XKR6: variants seen among roughly 807,000 people sequenced by gnomAD.
The protein encoded by XKR6 is XK related 6, also known as XK-related protein 6.
XKR6 carries 22 observed loss-of-function variants against 56.7 expected under a neutral mutation model. The observed-to-expected ratio is 0.39, with a 90% CI of 0.28 to 0.55. XKR6 has a LOEUF of 0.55. Among genes scored for constraint, XKR6 ranks in the 20% least tolerant of loss-of-function variants. XKR6 has a pLI of 0.66. For synonymous variants in XKR6, 524 were observed against 387.8 expected, an observed-to-expected ratio of 1.35 and a Z score of -4.13; for missense variants, 852 against 889.0, an observed-to-expected ratio of 0.96 and a Z score of 0.53.
intron 1 of XKR6, among the ~76,000 whole-genome samples, chr8:10,967,514 G>C (rs1802260840): frequency 6.6e-6 from 1 of 152,224 alleles, no homozygotes; most frequent in Non-Finnish European, 1.5e-5. Flanking sequence ...AGTGCAGGCA[G>C]CACTGAGGCA....
chr8:10,998,373 A>C (rs542486691), intron 1 of XKR6, among the ~76,000 whole-genome samples: 1 of 152,274 alleles, frequency 6.6e-6, no homozygotes, highest in South Asian at 2.1e-4. Context: ...CTCTGGTACT[A>C]GTGACCTGCA....
At chr8:10,944,120 C>T (rs1801465282) in intron 1 of XKR6, among the ~76,000 whole-genome samples, 1 of 152,012 alleles carries the variant, frequency 6.6e-6, no homozygotes, top group African/African-American at 2.4e-5. Context: ...CCCCAGCCCA[C>T]CACGGTAACA....
At chr8:10,915,119 C>T (rs1315773434) in intron 2 of XKR6, among the ~76,000 whole-genome samples, 1 of 152,222 alleles carries the variant, frequency 6.6e-6, no homozygotes, top group Non-Finnish European at 1.5e-5. Context: ...GCTCTCTGTG[C>T]ACTCCATTTT....
chr8:10,949,099 C>G (rs1801637163), intron 1 of XKR6, among the ~76,000 whole-genome samples: 1 of 152,246 alleles, frequency 6.6e-6, no homozygotes, highest in African/African-American at 2.4e-5. Context: ...TGGAAACACC[C>G]TGGGAGTCCG....
chr8:10,907,458 A>C (rs1421086976), intron 2 of XKR6, among the ~76,000 whole-genome samples: 1 of 152,212 alleles, frequency 6.6e-6, no homozygotes, highest in Non-Finnish European at 1.5e-5. Context: ...TATGCTAGGC[A>C]CTGCACATAA....
At position 10,905,396 on chromosome 8, in the gene XKR6, C is replaced by T. The variant is rs554312087; in HGVS notation, c.962-6480G>A. ...CCCTTAGCTGTTCCCCAGTTCTCTT[C>T]CTGCCATTTCTTGAGCTCTTTATGG... On this transcript the variant is annotated intron_variant, in intron 2 of 2. Coordinates refer to ENST00000416569, the MANE Select transcript of XKR6 (RefSeq NM_173683.4). 5.4e-4 allele frequency among the ~76,000 whole-genome samples: 83 copies of T among 152,328 alleles called. 1 individual carries two copies. The highest frequency in any genetic ancestry group is 1.9e-3 in the African/African-American group (80 of 41,578).
chr8:10,912,126 C>A (rs543307344), intron 2 of XKR6, among the ~76,000 whole-genome samples: 4 of 137,994 alleles, frequency 2.9e-5, no homozygotes, highest in South Asian at 2.4e-4. Context: ...AGAGAGAGAG[C>A]GCTAGAGAGA....
At chr8:11,196,074 A>C (rs1803870126) in intron 1 of XKR6, among the ~76,000 whole-genome samples, 1 of 152,142 alleles carries the variant, frequency 6.6e-6, no homozygotes. Flanking sequence ...TATACAATCT[A>C]TTAATGTGTC....
intron 1 of XKR6, among the ~76,000 whole-genome samples, chr8:11,053,479 C>G (rs867806374): frequency 2.0e-5 from 3 of 152,204 alleles, no homozygotes; most frequent in Non-Finnish European, 4.4e-5. Flanking sequence ...CATTCCCAGA[C>G]AGAGGAGGTA....
rs1413273168 is a variant in XKR6 at position 10,896,858 on chromosome 8, C to G, written c.*1094G>C. 6.6e-6 allele frequency: 1 copy of G among 152,428 alleles called. No homozygotes were observed. Among genetic ancestry groups the G allele is most frequent in the Non-Finnish European group, 1.5e-5 (1 of 68,002 alleles). 9.4% of individuals were successfully genotyped at this position (152,428 alleles called of 1,614,324 possible). A position where few individuals can be genotyped will look rare whatever the true frequency, so the allele number is the denominator to read the frequency against. On this transcript the variant is annotated 3_prime_UTR_variant, in exon 3 of 3. Transcript: ENST00000416569. ...CCAAATGGAAACAGAAGAGGCTTTA[C>G]ACAATATCACATGTGATAAATGTCT...
At chr8:11,167,614 A>G (rs1030419963) in intron 1 of XKR6, among the ~76,000 whole-genome samples, 1 of 152,154 alleles carries the variant, frequency 6.6e-6, no homozygotes, top group Non-Finnish European at 1.5e-5. Context: ...ATCCATATAT[A>G]TGGGTGAAAT....
At chr8:11,033,705 C>A (rs189909900) in intron 1 of XKR6, among the ~76,000 whole-genome samples, 2 of 152,196 alleles carry the variant, frequency 1.3e-5, no homozygotes, top group South Asian at 2.1e-4. Flanking sequence ...GAAACAGAGT[C>A]GCTCAAAGGG....
At chr8:10,934,488 G>C (rs959904877) in intron 1 of XKR6, among the ~76,000 whole-genome samples, 4 of 124,880 alleles carry the variant, frequency 3.2e-5, no homozygotes, top group African/African-American at 1.1e-4. Context: ...GTTTTCAAAG[G>C]GAATGCTTCC....
intron 1 of XKR6, among the ~76,000 whole-genome samples, chr8:11,067,851 A>G (rs1444048979): frequency 6.6e-6 from 1 of 152,228 alleles, no homozygotes; most frequent in East Asian, 1.9e-4. Context: ...GGAACACAGG[A>G]CTGCTCTGGG....
At chr8:10,920,217 C>T (rs1800671471) in intron 2 of XKR6, among the ~76,000 whole-genome samples, 1 of 152,096 alleles carries the variant, frequency 6.6e-6, no homozygotes, top group African/African-American at 2.4e-5. Context: ...AGCCACAGGT[C>T]TCACCAGTAA....
rs147543238 is a variant in XKR6, at chr8:10,923,119, G to A, written c.961+1515C>T. Among the ~76,000 whole-genome samples, 721 of 152,362 alleles carry A rather than the reference G, an allele frequency of 4.7e-3. 25 individuals are homozygous for A. The highest frequency in any genetic ancestry group is 0.045 in the Admixed American group (685 of 15,304). On this transcript the variant is annotated intron_variant, in intron 2 of 2. Transcript: ENST00000416569. ...AGATCCCCATACCCCTCCTGCTTCT[G>A]TGGGTGCCCAGAAAACAGAGGTTGT...
intron 1 of XKR6, among the ~76,000 whole-genome samples, chr8:11,196,633 A>C (rs2117154777): frequency 6.6e-6 from 1 of 152,346 alleles, no homozygotes; most frequent in East Asian, 1.9e-4. Context: ...TTAAGAACAC[A>C]AATCTAATAT....
chr8:11,126,003 CAAGT>C (rs1346525226), intron 1 of XKR6: 1 of 152,078 alleles, frequency 6.6e-6, no homozygotes, highest in East Asian at 1.9e-4. Context: ...TTGCAAACAC[CAAGT>C]AAGTCTGCTC....
intron 2 of XKR6, among the ~76,000 whole-genome samples, chr8:10,910,127 G>A (rs1418196586): frequency 6.6e-6 from 1 of 152,080 alleles, no homozygotes; most frequent in Non-Finnish European, 1.5e-5. Context: ...ACAACTCGGG[G>A]TGCAGGTGCT....
Sources: gnomAD v4.1 joint callset for allele counts (sites outside exome capture counted in the v4.1 genomes callset) on GRCh38, gnomAD v4.1.1 for gene constraint, MANE v1.5 for transcripts, NCBI Gene and HGNC (gene_info 2026-07-23, HGNC 2026-07-21) for gene names.